Variants in TM6SF2 observed in about 807,000 individuals in gnomAD.
TM6SF2 encodes transmembrane 6 superfamily member 2.
A neutral mutation model predicts 41.0 loss-of-function variants in TM6SF2; 29 were observed. The ratio of observed to expected loss-of-function variants is 0.71; its 90% CI spans 0.53 to 0.96. The LOEUF (loss-of-function observed/expected upper bound fraction) is 0.96, where lower values mean the gene tolerates loss of function less well. Ranked by LOEUF, TM6SF2 falls within the 50% of genes least tolerant of loss-of-function variation. TM6SF2 has a pLI of 0.00. For synonymous variants in TM6SF2, 200 were observed against 209.1 expected (o/e 0.96, Z 0.37); for missense variants, 475 against 499.0 (o/e 0.95, Z 0.46).
Position 19,267,674 on chromosome 19 carries a change from T to C in TM6SF2, c.751A>G (p.Ile251Val), listed in dbSNP as rs1386122191. ...DCPTDACFVY[I>V]YQYEPYLRDP... ...CGCAGGTATGGCTCATACTGGTAGA[T>C]ATAGACAAAGCAGGCATCTGTGGGG... The change falls in exon 8 of 10, where the codon ATC becomes GTC. Residue 251 changes from isoleucine to valine, a missense_variant. By Grantham distance (29) the Ile-to-Val change is conservative. Coordinates refer to ENST00000389363, the MANE Select transcript of TM6SF2 (RefSeq NM_001001524.3). 8.1e-6 allele frequency: 13 copies of C among 1,613,822 alleles called. No homozygotes were observed. The highest frequency in any genetic ancestry group is 3.3e-5 in the Admixed American group (2 of 59,970).
At chr19:19,267,778 C>CCCAGGCCCACACCCCTTG in intron 7 of TM6SF2, 65 bp from the exon 8 acceptor site, 1 of 1,460,522 alleles carries the variant, frequency 6.8e-7, no homozygotes, top group Non-Finnish European at 9.4e-7. Context: ...CCCCCACCCT[C>CCCAGGCCCACACCCCTTG]CCAGGCCCAC....
At chr19:19,267,955 G>T in intron 7 of TM6SF2, 31 bp downstream of exon 7, 1 of 1,434,576 alleles carries the variant, frequency 7.0e-7, no homozygotes, top group Non-Finnish European at 9.7e-7. Flanking sequence ...CTGGTGGCAG[G>T]GGAGGGGGAG....
At chr19:19,265,399 TATCTATCC>T (rs768412914) in intron 9 of TM6SF2, among the ~76,000 whole-genome samples, 7,094 of 139,798 alleles carry the variant, frequency 0.051, 263 homozygotes, top group African/African-American at 0.096. Context: ...TCTATCTATC[TATCTATCC>T]ATCCATCCAT....
chr19:19,264,504 C>T lies in TM6SF2; in HGVS notation c.*160G>A, dbSNP rs1413860255. The T allele has an allele frequency of 1.2e-5, 6 of 507,374 alleles. No individual in the cohort carries two copies. The highest frequency in any genetic ancestry group is 1.9e-5 in the Non-Finnish European group (6 of 317,152). The allele number at this position is 507,374 out of a possible 1,614,324, so 31.4% of individuals were successfully genotyped here. ...GGCTCTCCTTGCAGGAACACTTGGT[C>T]GTTGGTCTCCATCCCACCCACTGGA... is the stretch of plus-strand genomic sequence containing the variant. On this transcript the variant is annotated 3_prime_UTR_variant, in exon 10 of 10. Transcript: ENST00000389363.
intron 7 of TM6SF2, 98 bp downstream of exon 7, chr19:19,267,888 T>C: frequency 8.8e-7 from 1 of 1,135,570 alleles, no homozygotes; most frequent in South Asian, 1.3e-5. Context: ...ATGAAGAACT[T>C]CCTTGGATGA....
chr19:19,271,055 G>C lies in TM6SF2; in HGVS notation c.166C>G (p.His56Asp). ...AGTGGGTCATAGGAGACCTCGCCATGGGACAAGCTGTAGACCGCCACGAAA... is the reference window on the plus strand; with the variant it reads ...AGTGGGTCATAGGAGACCTCGCCATCGGACAAGCTGTAGACCGCCACGAAA... The part of the protein sequence containing the change: ...LLFVAVYSLS[H>D]GEVSYDPLYA... The change falls in exon 2 of 10, where the codon CAT becomes GAT. Residue 56 changes from histidine (H) to aspartate (D), a missense_variant. Around this residue, in one of 3 missense-constraint regions of TM6SF2, gnomAD observed 238 missense variants for 228.6 expected, o/e 1.04. Transcript: ENST00000389363. The C allele has an allele frequency of 4.3e-6, 7 of 1,614,150 alleles. No homozygotes were observed. Among genetic ancestry groups the C allele is most frequent in the South Asian group, 2.2e-5 (2 of 91,082 alleles).
chr19:19,266,346 T>C, intron 9 of TM6SF2, 144 bp downstream of exon 9: 1 of 1,228,208 alleles, frequency 8.1e-7, no homozygotes, highest in South Asian at 1.4e-5. Context: ...TCCCCTAGAC[T>C]AGGGAATCCT....
chr19:19,273,183 C>G lies in TM6SF2; in HGVS notation c.33G>C (p.Ala11=). Residue 11 remains alanine, a synonymous_variant, in exon 1 of 10, where the codon GCG becomes GCC. Coordinates refer to ENST00000389363, the MANE Select transcript of TM6SF2 (RefSeq NM_001001524.3). MDIPPLAGKI[A]ALSLSALPVS... is the part of the protein sequence containing the mutation. ...CCGGGAGGGCGCTCAGCGACAGCGC[C>G]GCGATCTTGCCGGCCAGCGGCGGGA... is the stretch of plus-strand genomic sequence containing the variant. 3 of 1,464,452 alleles carry G rather than the reference C, an allele frequency of 2.0e-6. No individual in the cohort carries two copies. The highest frequency in any genetic ancestry group is 1.3e-5 in the South Asian group (1 of 75,046). The allele number at this position is 1,464,452 out of a possible 1,614,324, so 90.7% of individuals were successfully genotyped here. A position where few individuals can be genotyped will look rare whatever the true frequency, so the allele number is the denominator to read the frequency against.
In TM6SF2 at chr19:19,270,236, C is replaced by G; in HGVS notation, c.338G>C (p.Cys113Ser). ...YLRTAHGVFICYWDGTVHYLL... is the reference protein window; with the variant it reads ...YLRTAHGVFISYWDGTVHYLL... ...GTAGTGAACAGTGCCATCCCAGTAG[C>G]AGATGAAGACTCCGTGCGCTGTGCG... The change falls in exon 4 of 10, where the codon TGC (cysteine) becomes TCC (serine). Residue 113 changes from cysteine (C) to serine (S), a missense_variant. By Grantham distance (112) the Cys-to-Ser change is moderately radical. This residue lies in a region of TM6SF2 where 238 missense variants were observed against 228.6 expected (regional missense o/e 1.04). Coordinates refer to ENST00000389363, the MANE Select transcript of TM6SF2 (RefSeq NM_001001524.3). 6.2e-7 allele frequency: 1 copy of G among 1,614,196 alleles called. No homozygotes were observed.
chr19:19,270,993 T>G (rs2061021837), intron 2 of TM6SF2, 29 bp downstream of exon 2: 1 of 1,599,476 alleles, frequency 6.3e-7, no homozygotes, highest in African/African-American at 1.3e-5. Context: ...CTGGACAGTC[T>G]TCTTCCCCAC....
chr19:19,266,529 A>G lies in TM6SF2; in HGVS notation c.885T>C (p.Leu295=), dbSNP rs2061003549. Residue 295 remains leucine, a synonymous_variant, in exon 9 of 10, where the codon CTT becomes CTC. Coordinates refer to ENST00000389363, the MANE Select transcript of TM6SF2 (RefSeq NM_001001524.3). ...CAGCAAACACCAAGGCCCAGTCTGG[A>G]AGCCAGGAGCAACCAGGGAAGGTGA... The part of the protein sequence containing the change: ...YALTFPGCSW[L]PDWALVFAGG... 2 of 1,614,074 alleles carry G rather than the reference A, an allele frequency of 1.2e-6. No homozygotes were observed. The highest frequency in any genetic ancestry group is 1.3e-5 in the African/African-American group (1 of 75,054).
At position 19,270,250 on chromosome 19, in the gene TM6SF2, G is replaced by T. The variant is rs777094771; in HGVS notation, c.324C>A (p.His108Gln). The T allele has an allele frequency of 6.2e-7, 1 of 1,614,214 alleles. No homozygotes were observed. The change falls in exon 4 of 10, where the codon CAC becomes CAA. Residue 108 changes from histidine to glutamine, a missense_variant. His to Gln is a conservative substitution (Grantham distance 24, BLOSUM62 0). Coordinates refer to ENST00000389363, the MANE Select transcript of TM6SF2 (RefSeq NM_001001524.3). ...CATCCCAGTAGCAGATGAAGACTCC[G>T]TGCGCTGTGCGCAGGTATGGCTCTC... ...KEGEPYLRTA[H>Q]GVFICYWDGT...
Position 19,268,244 on chromosome 19 carries a change from T to C in TM6SF2, c.610-157A>G, listed in dbSNP as rs548388761. ...TTTTTGAGACAGGGTCTCATTCTGT[T>C]GCCCAGGCTTGAGTGAAGCAGCACA... On this transcript the variant is annotated intron_variant, in intron 6 of 9. Transcript: ENST00000389363. Among the ~76,000 whole-genome samples, 282 of 151,172 alleles carry C rather than the reference T, an allele frequency of 1.9e-3. 3 individuals are homozygous for C. The highest frequency in any genetic ancestry group is 0.01 in the Middle Eastern group (3 of 292).
Position 19,273,169 on chromosome 19 carries a change from C to A in TM6SF2, c.47G>T (p.Ser16Ile). 6.8e-7 allele frequency: 1 copy of A among 1,475,280 alleles called. No homozygotes were observed. 91.4% of individuals were successfully genotyped at this position (1,475,280 alleles called of 1,614,324 possible). Residue 16 changes from serine (S) to isoleucine (I), a missense_variant, in exon 1 of 10, where the codon AGC (serine) becomes ATC (isoleucine). Ser to Ile is a moderately radical substitution (Grantham distance 142). This residue lies in a region of TM6SF2 where 238 missense variants were observed against 228.6 expected (regional missense o/e 1.04). Transcript: ENST00000389363. ...LAGKIAALSL[S>I]ALPVSYALNH... ...GAGCGCGTAGGACACCGGGAGGGCG[C>A]TCAGCGACAGCGCCGCGATCTTGCC... is the stretch of plus-strand genomic sequence containing the variant.
chr19:19,273,228 T>G lies in TM6SF2; in HGVS notation c.-13A>C. On this transcript the variant is annotated 5_prime_UTR_variant, in exon 1 of 10. Transcript: ENST00000389363. ...GCGGGATGTCCATAGCGGCGGCTGC[T>G]GGACCCCGGCTCAGCCCCGACGCGT... 2.9e-6 allele frequency: 4 copies of G among 1,399,816 alleles called. No homozygotes were observed. Among genetic ancestry groups the G allele is most frequent in the Non-Finnish European group, 3.7e-6 (4 of 1,077,704 alleles). 86.7% of individuals were successfully genotyped at this position (1,399,816 alleles called of 1,614,324 possible).
intron 1 of TM6SF2, among the ~76,000 whole-genome samples, chr19:19,272,318 A>G (rs2061026740): frequency 6.6e-6 from 1 of 152,234 alleles, no homozygotes; most frequent in East Asian, 1.9e-4. Context: ...ATCTTTGTAC[A>G]CAGTTTATAA....
At chr19:19,267,548 C>T (rs1211907193) in intron 8 of TM6SF2, 73 bp downstream of exon 8, 2 of 1,144,678 alleles carry the variant, frequency 1.7e-6, no homozygotes, top group Admixed American at 2.2e-5. Context: ...GTGCTTCTGG[C>T]ACCTGCTTCA....
intron 5 of TM6SF2, among the ~76,000 whole-genome samples, chr19:19,269,116 G>A (rs369732627): frequency 6.6e-6 from 1 of 152,128 alleles, no homozygotes; most frequent in Non-Finnish European, 1.5e-5. Flanking sequence ...GCCACCACAC[G>A]TGGCCTCTCT....
At chr19:19,269,812 TAATCTCA>T in intron 4 of TM6SF2, 43 bp from the exon 5 acceptor site, 1 of 1,613,274 alleles carries the variant, frequency 6.2e-7, no homozygotes, top group Non-Finnish European at 8.5e-7. Context: ...AGTCACTCCG[TAATCTCA>T]GAGCCCCAGC....
Sources: gnomAD v4.1 joint callset for allele counts (sites outside exome capture counted in the v4.1 genomes callset) on GRCh38, gnomAD v4.1.1 for gene constraint, gnomAD v4.1.1 regional missense constraint, MANE v1.5 for transcripts, NCBI Gene and HGNC (gene_info 2026-07-23, HGNC 2026-07-21) for gene names.